ANXA7: variants seen among roughly 807,000 people sequenced by gnomAD.
ANXA7 encodes annexin VII.
A neutral mutation model predicts 64.9 loss-of-function variants in ANXA7; 55 were observed. The observed-to-expected ratio is 0.85, with a 90% CI of 0.68 to 1.06. ANXA7 has a LOEUF of 1.06. ANXA7 is among the 50% of genes least tolerant of loss of function. ANXA7 has a pLI of 0.00. For synonymous variants in ANXA7, 200 were observed against 192.4 expected, an observed-to-expected ratio of 1.04 and a Z score of -0.33; for missense variants, 548 against 582.1, an observed-to-expected ratio of 0.94 and a Z score of 0.60.
At chr10:73,388,140 C>T (rs766471565) in intron 6 of ANXA7, among the ~76,000 whole-genome samples, 172 bp downstream of exon 6, 1 of 152,106 alleles carries the variant, frequency 6.6e-6, no homozygotes, top group Non-Finnish European at 1.5e-5. Context: ...AGCCACCACA[C>T]CCAGCCTGAG....
intron 7 of ANXA7, among the ~76,000 whole-genome samples, chr10:73,386,106 C>G (rs1404437891): frequency 6.6e-6 from 1 of 151,162 alleles, no homozygotes; most frequent in East Asian, 1.9e-4. Context: ...TCCAGCTACT[C>G]GAGAGGCTGA....
intron 7 of ANXA7, among the ~76,000 whole-genome samples, chr10:73,385,289 T>G (rs1490964437): frequency 1.3e-5 from 2 of 152,204 alleles, no homozygotes; most frequent in Non-Finnish European, 2.9e-5. Flanking sequence ...ATGGCACTGA[T>G]GTAGCAACAA....
chr10:73,409,280 C>T (rs1011184040), intron 1 of ANXA7, among the ~76,000 whole-genome samples: 2 of 152,182 alleles, frequency 1.3e-5, no homozygotes, highest in Non-Finnish European at 2.9e-5. Context: ...AAGACTCCAA[C>T]AGACTCTTAG....
Position 73,379,128 on chromosome 10 carries a change from A to C in ANXA7, c.1166-105T>G, listed in dbSNP as rs547953321. 8.2e-6 allele frequency: 6 copies of C among 732,076 alleles called. No homozygotes were observed. In the Admixed American group the frequency reaches 1.7e-4, roughly 20 times the overall value. The allele number at this position is 732,076 out of a possible 1,614,324, so 45.3% of individuals were successfully genotyped here. On this transcript the variant is annotated intron_variant, in intron 11 of 12. Coordinates refer to ENST00000372921, the MANE Select transcript of ANXA7 (RefSeq NM_001156.5). ...GCCTGCCTTTGATTATTTTCTCTGT[A>C]ATCATCACAGAAACATGGGGTGAGT...
chr10:73,378,873 C>A (rs745956353), intron 12 of ANXA7, 38 bp downstream of exon 12: 14 of 1,478,326 alleles, frequency 9.5e-6, no homozygotes, highest in Non-Finnish European at 1.2e-5. Context: ...CATTGAACAT[C>A]AAGTAAGACC....
At chr10:73,383,935 C>T (rs2055316275) in intron 7 of ANXA7, among the ~76,000 whole-genome samples, 1 of 152,082 alleles carries the variant, frequency 6.6e-6, no homozygotes, top group East Asian at 1.9e-4. Flanking sequence ...TCCTGGTTAA[C>T]ACGGTGAAAC....
At chr10:73,396,486 C>G in intron 5 of ANXA7, 33 bp downstream of exon 5, 1 of 1,531,216 alleles carries the variant, frequency 6.5e-7, no homozygotes, top group Non-Finnish European at 9.0e-7. Context: ...ATCTAGCTAC[C>G]TAGAGTGAGC....
chr10:73,377,735 C>G (rs1280801427), intron 12 of ANXA7, among the ~76,000 whole-genome samples: 2 of 148,006 alleles, frequency 1.4e-5, no homozygotes, highest in Non-Finnish European at 3.0e-5. Flanking sequence ...CCTCAACATT[C>G]TGGGTAGCTG....
At chr10:73,380,320 G>T in intron 9 of ANXA7, 119 bp from the exon 10 acceptor site, 2 of 958,488 alleles carry the variant, frequency 2.1e-6, no homozygotes, top group South Asian at 1.7e-5. Context: ...TTGAGATAGG[G>T]TCTTGCTCTG....
chr10:73,397,857 G>A (rs909001984), intron 3 of ANXA7, among the ~76,000 whole-genome samples: 4 of 152,124 alleles, frequency 2.6e-5, no homozygotes, highest in South Asian at 2.1e-4. Context: ...GAATAAAGCT[G>A]ACCTAAAGGT....
intron 5 of ANXA7, among the ~76,000 whole-genome samples, chr10:73,390,723 A>AAAT (rs2055464697): frequency 8.8e-6 from 1 of 113,518 alleles, no homozygotes; most frequent in Admixed American, 8.5e-5. Context: ...TATATATAAA[A>AAAT]ATATATATAT....
intron 5 of ANXA7, among the ~76,000 whole-genome samples, chr10:73,394,557 G>T (rs1435996766): frequency 6.6e-6 from 1 of 152,216 alleles, no homozygotes; most frequent in African/African-American, 2.4e-5. Flanking sequence ...CATGTCCTTT[G>T]TAGGGACATG....
intron 8 of ANXA7, 73 bp downstream of exon 8, chr10:73,383,504 A>C: frequency 2.2e-6 from 3 of 1,335,860 alleles, no homozygotes; most frequent in Non-Finnish European, 3.2e-6. Flanking sequence ...GTAAATTCAG[A>C]ACTGTCATAA....
In ANXA7 at chr10:73,397,057, T is replaced by C. The variant is rs2055587139; in HGVS notation, c.370+107A>G. On this transcript the variant is annotated intron_variant, in intron 4 of 12. Coordinates refer to ENST00000372921, the MANE Select transcript of ANXA7 (RefSeq NM_001156.5). Reference sequence around the variant, plus strand: ...ATGTTTAAAATTATTTATGGAAATATAAACATTTATTGCAGATTATCTCAA... The same window carrying C: ...ATGTTTAAAATTATTTATGGAAATACAAACATTTATTGCAGATTATCTCAA... The C allele has an allele frequency of 1.0e-5, 5 of 482,954 alleles. No homozygotes were observed. The Admixed American group carries it at 1.6e-4, about 15-fold the overall frequency. The allele number at this position is 482,954 out of a possible 1,614,324, so 29.9% of individuals were successfully genotyped here.
rs2055169496 is a variant in ANXA7, at chr10:73,376,216, A to T, written c.1280T>A (p.Ile427Asn). 1 of 1,565,898 alleles carries T rather than the reference A, an allele frequency of 6.4e-7. No homozygotes were observed. Among genetic ancestry groups the T allele is most frequent in the African/African-American group, 1.4e-5 (1 of 72,858 alleles). The stretch of plus-strand genomic sequence containing the variant: ...CATCTGTTTTATTTGTACAAGGTCA[A>T]TCTGCATAAGAAATAATATTTCTGT... ...LVRIVVTRSE[I>N]DLVQIKQMFA... The change falls in exon 13 of 13, where the codon ATT becomes AAT. Residue 427 changes from isoleucine (I) to asparagine (N), a missense_variant and splice_region_variant. By Grantham distance (149) the Ile-to-Asn change is moderately radical. Transcript: ENST00000372921.
chr10:73,383,236 T>C lies in ANXA7; in HGVS notation c.857A>G (p.Glu286Gly), dbSNP rs1412902900. ...TGATGTATCTGACCTAATGTCCTTT[T>C]CAAGGTCTCGTCCAAATTCTGACTG... is the stretch of plus-strand genomic sequence containing the variant. ...CYQSEFGRDL[E>G]KDIRSDTSGH... The change falls in exon 9 of 13, where the codon GAA (glutamate) becomes GGA (glycine). Residue 286 changes from glutamate (E) to glycine (G), a missense_variant. Glu to Gly is a moderately conservative substitution (Grantham distance 98). Coordinates refer to ENST00000372921, the MANE Select transcript of ANXA7 (RefSeq NM_001156.5). The C allele has an allele frequency of 1.2e-6, 2 of 1,614,162 alleles. No homozygotes were observed. The highest frequency in any genetic ancestry group is 4.5e-5 in the East Asian group (2 of 44,874).
At chr10:73,392,240 G>C (rs1198116657) in intron 5 of ANXA7, among the ~76,000 whole-genome samples, 1 of 152,148 alleles carries the variant, frequency 6.6e-6, no homozygotes, top group Non-Finnish European at 1.5e-5. Flanking sequence ...TCCAGGACCA[G>C]ACAGATTCAC....
At position 73,376,113 on chromosome 10, in the gene ANXA7, CAGA is replaced by C. The variant is rs745802959; in HGVS notation, c.1380_1382del (p.Leu461del). 3.9e-5 allele frequency: 62 copies of C among 1,594,694 alleles called. No homozygotes were observed. In the South Asian group the frequency reaches 6.0e-4, roughly 15 times the overall value. ...ATCCCTCCTACTGGCCCACAATAGC[CAGA>C]AGAAGTCTTCGGTAATCTCCACTCG... On this transcript the variant is annotated inframe_deletion, in exon 13 of 13. Coordinates refer to ENST00000372921, the MANE Select transcript of ANXA7 (RefSeq NM_001156.5).
rs758289898 is a variant in ANXA7, at chr10:73,376,077, A to G, written c.*18T>C. 1.7e-5 allele frequency: 20 copies of G among 1,189,466 alleles called. No individual in the cohort carries two copies. In the African/African-American group the frequency reaches 3.0e-4, roughly 18 times the overall value. The allele number at this position is 1,189,466 out of a possible 1,614,324, so 73.7% of individuals were successfully genotyped here. A position where few individuals can be genotyped will look rare whatever the true frequency, so the allele number is the denominator to read the frequency against. On this transcript the variant is annotated 3_prime_UTR_variant, in exon 13 of 13. Coordinates refer to ENST00000372921, the MANE Select transcript of ANXA7 (RefSeq NM_001156.5). ...TATGAATAGAAATTTTTTTTCATTA[A>G]AAAAAAAAAAATCCCTCCTACTGGC...
Sources: allele counts gnomAD v4.1 joint callset (sites outside exome capture counted in the v4.1 genomes callset), GRCh38; gene constraint gnomAD v4.1.1; transcripts MANE v1.5; gene names NCBI Gene and HGNC (gene_info 2026-07-23, HGNC 2026-07-21).